The following CADPS2 variants were observed in gnomAD, a reference collection of about 807,000 sequenced individuals.
CADPS2 encodes calcium-dependent secretion activator 2.
CADPS2 carries 93 observed loss-of-function variants against 172.5 expected under a neutral mutation model. The ratio of observed to expected loss-of-function variants is 0.54; its 90% confidence interval spans 0.46 to 0.64. The LOEUF (loss-of-function observed/expected upper bound fraction) is 0.64, where lower values mean the gene tolerates loss of function less well. Among genes scored for constraint, CADPS2 ranks in the 30% least tolerant of loss-of-function variants. The pLI, the probability that CADPS2 is intolerant of heterozygous loss-of-function variation, is 0.00. For synonymous variants in CADPS2, 546 were observed against 555.2 expected, an observed-to-expected ratio of 0.98 and a Z score of 0.23; for missense variants, 1,420 against 1,565.9, an observed-to-expected ratio of 0.91 and a Z score of 1.57.
intron 24 of CADPS2, 76 bp from the exon 25 acceptor site, chr7:122,379,518 T>A (rs749767534): frequency 4.7e-6 from 4 of 854,368 alleles, no homozygotes; most frequent in Non-Finnish European, 5.9e-6. Context: ...ATGCTCTAAA[T>A]CTACTAGTTA....
intron 20 of CADPS2, among the ~76,000 whole-genome samples, chr7:122,394,390 T>C (rs2044784238): frequency 6.6e-6 from 1 of 152,194 alleles, no homozygotes; most frequent in African/African-American, 2.4e-5. Context: ...AGAATCTATA[T>C]GAAAACAGTA....
chr7:122,437,392 C>G lies in CADPS2; in HGVS notation c.2476+949G>C, dbSNP rs965050820. 2.6e-5 allele frequency among the ~76,000 whole-genome samples: 4 copies of G among 152,114 alleles called. No individual in the cohort carries two copies. In the South Asian group the frequency reaches 8.3e-4, roughly 32 times the overall value. Reference sequence around the variant, plus strand: ...TGGAGAGAAGAAAGGAATAATAACACAAACAATTATCATCAATCTTTTTCC... The same window carrying G: ...TGGAGAGAAGAAAGGAATAATAACAGAAACAATTATCATCAATCTTTTTCC... On this transcript the variant is annotated intron_variant, in intron 17 of 29. Transcript: ENST00000449022.
At chr7:122,480,334 GT>G (rs2152253927) in intron 12 of CADPS2, among the ~76,000 whole-genome samples, 1 of 144,588 alleles carries the variant, frequency 6.9e-6, no homozygotes, top group Non-Finnish European at 1.5e-5. Context: ...GTTATGCTTA[GT>G]TTTTTAAAAA....
chr7:122,436,084 T>A (rs1045785165), intron 17 of CADPS2, among the ~76,000 whole-genome samples: 3 of 152,096 alleles, frequency 2.0e-5, no homozygotes, highest in African/African-American at 7.2e-5. Flanking sequence ...TAGTACACTT[T>A]AAGAAATTGC....
chr7:122,637,208 T>TTTTTTTTTTTTTTTCTC lies in CADPS2; in HGVS notation c.787-7881_787-7880insGAGAAAAAAAAAAAAAA, dbSNP rs778963218. Reference sequence around the variant, plus strand: ...TTTTTTTTTTTTTTTTTTTTTTTTTTCCTGAGACAGGGTCTCACTCTGTGG... The same window carrying TTTTTTTTTTTTTTTCTC: ...TTTTTTTTTTTTTTTTTTTTTTTTTTTTTTTTTTTTTTTTCTCCCTGAGACAGGGTCTCACTCTGTGG... On this transcript the variant is annotated intron_variant, in intron 3 of 29. Coordinates refer to ENST00000449022, the MANE Select transcript of CADPS2 (RefSeq NM_017954.11). Among the ~76,000 whole-genome samples the TTTTTTTTTTTTTTTCTC allele has an allele frequency of 1.8e-4, 11 of 62,690 alleles. 3 individuals are homozygous for TTTTTTTTTTTTTTTCTC. The highest frequency in any genetic ancestry group is 5.3e-4 in the Admixed American group (2 of 3,798). The allele number at this position is 62,690 out of a possible 152,430, so 41.1% of individuals were successfully genotyped here.
intron 9 of CADPS2, among the ~76,000 whole-genome samples, chr7:122,508,316 T>C (rs1373824261): frequency 6.6e-6 from 1 of 151,980 alleles, no homozygotes; most frequent in Middle Eastern, 3.2e-3. Context: ...GCATTGTTTT[T>C]TTCTCCTCCA....
At chr7:122,568,267 A>G (rs191090966) in intron 7 of CADPS2, among the ~76,000 whole-genome samples, 138 of 152,110 alleles carry the variant, frequency 9.1e-4, no homozygotes, top group African/African-American at 3.3e-3. Flanking sequence ...AATAACAACA[A>G]AAAGAAAGCT....
At chr7:122,661,698 T>C (rs4727944) in intron 3 of CADPS2, among the ~76,000 whole-genome samples, 25,113 of 152,136 alleles carry the variant, frequency 0.17, 2,150 homozygotes, top group Admixed American at 0.23. Flanking sequence ...TCTTATCTTA[T>C]ATAGACTTTA....
intron 29 of CADPS2, among the ~76,000 whole-genome samples, chr7:122,322,359 G>A (rs770359354): frequency 1.4e-4 from 22 of 152,262 alleles, no homozygotes; most frequent in African/African-American, 4.1e-4. Flanking sequence ...AATTAAGACC[G>A]CTTTCTTATT....
chr7:122,328,178 A>G (rs2034274403), intron 28 of CADPS2, among the ~76,000 whole-genome samples: 1 of 148,150 alleles, frequency 6.7e-6, no homozygotes, highest in Admixed American at 6.8e-5. Context: ...CACACCTTAA[A>G]CAAACAATGA....
At chr7:122,572,305 A>G (rs150946018) in intron 7 of CADPS2, among the ~76,000 whole-genome samples, 67 of 152,296 alleles carry the variant, frequency 4.4e-4, no homozygotes, top group African/African-American at 1.6e-3. Context: ...CAGAAAAGTT[A>G]TCCTTCCTCC....
At chr7:122,883,318 T>G (rs909213001) in intron 1 of CADPS2, among the ~76,000 whole-genome samples, 5 of 152,198 alleles carry the variant, frequency 3.3e-5, no homozygotes, top group African/African-American at 1.2e-4. Flanking sequence ...TTGTGATTAA[T>G]TTTCTTCATA....
chr7:122,442,157 A>C (rs1352302704), intron 15 of CADPS2, among the ~76,000 whole-genome samples: 1 of 152,158 alleles, frequency 6.6e-6, no homozygotes, highest in African/African-American at 2.4e-5. Flanking sequence ...ACACCAACAA[A>C]TGAAGGACAG....
intron 7 of CADPS2, among the ~76,000 whole-genome samples, chr7:122,568,217 G>A (rs573442777): frequency 3.3e-5 from 5 of 151,970 alleles, no homozygotes; most frequent in Admixed American, 6.6e-5. Context: ...TGGGCAACAC[G>A]GCAAAACCCC....
At chr7:122,803,041 AACTC>A (rs2139996580) in intron 1 of CADPS2, among the ~76,000 whole-genome samples, 1 of 152,318 alleles carries the variant, frequency 6.6e-6, no homozygotes, top group South Asian at 2.1e-4. Flanking sequence ...AAGGAAGAAA[AACTC>A]AATATAGGTT....
intron 1 of CADPS2, among the ~76,000 whole-genome samples, chr7:122,867,175 C>T (rs1457760769): frequency 6.6e-6 from 1 of 152,128 alleles, no homozygotes; most frequent in Non-Finnish European, 1.5e-5. Flanking sequence ...CCCCCTCCCA[C>T]AGTTACTCTC....
intron 11 of CADPS2, 80 bp from the exon 12 acceptor site, chr7:122,480,940 A>T: frequency 9.1e-7 from 1 of 1,094,116 alleles, no homozygotes; most frequent in Non-Finnish European, 1.2e-6. Flanking sequence ...TAGACATTTA[A>T]TTTTTTATTT....
chr7:122,855,310 ATTAAT>A (rs1814880580), intron 1 of CADPS2, among the ~76,000 whole-genome samples: 1 of 152,244 alleles, frequency 6.6e-6, no homozygotes, highest in Non-Finnish European at 1.5e-5. Context: ...CTATACACAC[ATTAAT>A]TTATTTATCC....
chr7:122,748,719 A>T (rs747589449), intron 1 of CADPS2, among the ~76,000 whole-genome samples: 2 of 152,178 alleles, frequency 1.3e-5, no homozygotes, highest in Non-Finnish European at 2.9e-5. Context: ...AGGGACTTTC[A>T]GCTCATCATC....
Sources: gnomAD v4.1 joint callset for allele counts (sites outside exome capture counted in the v4.1 genomes callset) on GRCh38, gnomAD v4.1.1 for gene constraint, MANE v1.5 for transcripts, NCBI Gene and HGNC (gene_info 2026-07-23, HGNC 2026-07-21) for gene names.